GRIA1: variants seen among roughly 807,000 people sequenced by gnomAD.
GRIA1 encodes the protein glutamate receptor 1.
In GRIA1, 31 loss-of-function variants were observed where a neutral mutation model predicts 99.2. The observed-to-expected ratio is 0.31, with a 90% CI of 0.23 to 0.42. GRIA1 has a LOEUF of 0.42. Among genes scored for constraint, GRIA1 ranks in the 10% least tolerant of loss-of-function variants. The pLI is 1.00. For synonymous variants in GRIA1, 438 were observed against 432.4 expected, an observed-to-expected ratio of 1.01 and a Z score of -0.16; for missense variants, 782 against 1,157.5, an observed-to-expected ratio of 0.68 and a Z score of 4.71.
chr5:153,672,138 G>A (rs1756231064), intron 5 of GRIA1, among the ~76,000 whole-genome samples: 1 of 152,180 alleles, frequency 6.6e-6, no homozygotes, highest in South Asian at 2.1e-4. Context: ...AAGGAGAACA[G>A]TCCCTGAGGG....
At position 153,674,563 on chromosome 5, in the gene GRIA1, C is replaced by T. The variant is rs917096947; in HGVS notation, c.763C>T (p.Leu255=). ...ESGANVTGFQ[L]VNYTDTIPAK... ...TGGCGCCAATGTGACAGGTTTCCAG[C>T]TGGTGAACTACACAGACACTATTCC... Residue 255 remains leucine (L), a synonymous_variant, in exon 6 of 16, where the codon CTG becomes TTG. Coordinates refer to ENST00000285900, the MANE Select transcript of GRIA1 (RefSeq NM_000827.4). 3.1e-6 allele frequency: 5 copies of T among 1,613,954 alleles called. No homozygotes were observed. The highest frequency in any genetic ancestry group is 3.3e-5 in the Admixed American group (2 of 59,998).
At chr5:153,679,204 A>T (rs1756801557) in intron 7 of GRIA1, among the ~76,000 whole-genome samples, 1 of 152,228 alleles carries the variant, frequency 6.6e-6, no homozygotes, top group Non-Finnish European at 1.5e-5. Context: ...GGACAATAAA[A>T]GAAAGCAAGG....
At chr5:153,550,880 C>A (rs1394227364) in intron 2 of GRIA1, among the ~76,000 whole-genome samples, 1 of 152,062 alleles carries the variant, frequency 6.6e-6, no homozygotes, top group Non-Finnish European at 1.5e-5. Context: ...AATTTATATT[C>A]TTTTTTATTA....
Position 153,650,440 on chromosome 5 carries a change from G to C in GRIA1, c.571G>C (p.Asp191His), listed in dbSNP as rs138865459. Residue 191 changes from aspartate to histidine, a missense_variant, in exon 4 of 16, where the codon GAC (aspartate) becomes CAC (histidine). Asp to His is a moderately conservative substitution (Grantham distance 81). Transcript: ENST00000285900. ...TEEGYRMLFQ[D>H]LEKKKERLVV... ...GGAGGGATACCGGATGCTCTTTCAG[G>C]ACCTGGAGAAGAAAAAGGAGCGGCT... is the stretch of plus-strand genomic sequence containing the variant. 3 of 1,613,902 alleles carry C rather than the reference G, an allele frequency of 1.9e-6. No homozygotes were observed. In the African/African-American group the frequency reaches 4.0e-5, roughly 22 times the overall value.
intron 7 of GRIA1, among the ~76,000 whole-genome samples, chr5:153,684,398 C>T (rs745699817): frequency 2.0e-5 from 3 of 152,162 alleles, no homozygotes; most frequent in African/African-American, 2.4e-5. Flanking sequence ...ACATAGTTAA[C>T]TCTAATTGGT....
intron 15 of GRIA1, among the ~76,000 whole-genome samples, chr5:153,806,378 A>C (rs987782069): frequency 6.6e-6 from 1 of 151,784 alleles, no homozygotes; most frequent in Non-Finnish European, 1.5e-5. Flanking sequence ...TGATTCTCCT[A>C]CCTCAGCCTC....
chr5:153,654,080 T>C (rs1314361415), intron 4 of GRIA1, among the ~76,000 whole-genome samples: 3 of 152,206 alleles, frequency 2.0e-5, no homozygotes, highest in Non-Finnish European at 4.4e-5. Context: ...CACCTATTTA[T>C]TATGGATCTC....
Position 153,507,474 on chromosome 5 carries a change from G to A in GRIA1, c.220+13409G>A, listed in dbSNP as rs566590492. Among the ~76,000 whole-genome samples, 53 of 152,220 alleles carry A rather than the reference G, an allele frequency of 3.5e-4. No individual in the cohort carries two copies. The Middle Eastern group carries it at 0.01, about 29-fold the overall frequency. On this transcript the variant is annotated intron_variant, in intron 2 of 15. Coordinates refer to ENST00000285900, the MANE Select transcript of GRIA1 (RefSeq NM_000827.4). ...GTTCAACATATCAAAACCAGAACTT[G>A]GCATCCTTCCTGCCAAACTCATTGC...
chr5:153,763,637 G>A (rs1763324648), intron 11 of GRIA1, among the ~76,000 whole-genome samples: 1 of 152,154 alleles, frequency 6.6e-6, no homozygotes, highest in Non-Finnish European at 1.5e-5. Context: ...GGAAGCCCTG[G>A]ACTTGGAAGT....
At chr5:153,579,354 AAAC>A (rs1405120362) in intron 2 of GRIA1, among the ~76,000 whole-genome samples, 6 of 152,200 alleles carry the variant, frequency 3.9e-5, no homozygotes, top group African/African-American at 1.4e-4. Flanking sequence ...TTGGGCTAGG[AAAC>A]AACAAGCAGA....
chr5:153,764,924 C>T (rs1763414952), intron 12 of GRIA1, among the ~76,000 whole-genome samples: 1 of 152,204 alleles, frequency 6.6e-6, no homozygotes, highest in Non-Finnish European at 1.5e-5. Context: ...AATTTCCTCT[C>T]TGTTATCACG....
intron 11 of GRIA1, among the ~76,000 whole-genome samples, chr5:153,707,884 A>G (rs576008629): frequency 4.1e-4 from 63 of 152,248 alleles, no homozygotes; most frequent in African/African-American, 1.5e-3. Context: ...TGGCAAACAC[A>G]TGGTGAAGAG....
intron 7 of GRIA1, among the ~76,000 whole-genome samples, chr5:153,678,313 G>A (rs1288056453): frequency 6.6e-6 from 1 of 152,194 alleles, no homozygotes; most frequent in African/African-American, 2.4e-5. Context: ...AGATGCTGAA[G>A]GAACCTCACC....
intron 9 of GRIA1, 46 bp downstream of exon 9, chr5:153,698,200 G>T (rs1414481695): frequency 1.1e-5 from 12 of 1,057,708 alleles, no homozygotes; most frequent in Non-Finnish European, 1.5e-5. Context: ...TTCAAGCTAG[G>T]CCAGCACAAG....
chr5:153,558,804 AT>A (rs902852616), intron 2 of GRIA1, among the ~76,000 whole-genome samples: 14 of 151,948 alleles, frequency 9.2e-5, no homozygotes, highest in Non-Finnish European at 1.9e-4. Context: ...TGTATCTATA[AT>A]TTTTTTTCTG....
At position 153,584,909 on chromosome 5, in the gene GRIA1, AC is replaced by A. The variant is rs1290000686; in HGVS notation, c.221-62018del. On this transcript the variant is annotated intron_variant, in intron 2 of 15. Transcript: ENST00000285900. ...TAGGGAACACAAGAAACCTGGGTGA[AC>A]TTTTTCACAAACAATTCATTTTTCT... 1.2e-4 allele frequency among the ~76,000 whole-genome samples: 19 copies of A among 152,330 alleles called. 2 individuals carry two copies. Among genetic ancestry groups the A allele is most frequent in the African/African-American group, 4.6e-4 (19 of 41,580 alleles).
intron 8 of GRIA1, among the ~76,000 whole-genome samples, chr5:153,695,850 C>T (rs1314695259): frequency 6.6e-6 from 1 of 152,212 alleles, no homozygotes; most frequent in Non-Finnish European, 1.5e-5. Flanking sequence ...TAGGGTGCAC[C>T]ATGTCCATGC....
At chr5:153,714,160 A>G (rs1759509711) in intron 11 of GRIA1, among the ~76,000 whole-genome samples, 1 of 152,130 alleles carries the variant, frequency 6.6e-6, no homozygotes, top group Non-Finnish European at 1.5e-5. Context: ...TGTGTCAGCT[A>G]GAGAGGATAG....
intron 11 of GRIA1, among the ~76,000 whole-genome samples, chr5:153,714,649 T>C (rs1759541871): frequency 6.6e-6 from 1 of 152,232 alleles, no homozygotes; most frequent in South Asian, 2.1e-4. Flanking sequence ...AAAGAAGTAT[T>C]GAGCTCTAGA....
Sources: allele counts gnomAD v4.1 joint callset (sites outside exome capture counted in the v4.1 genomes callset), GRCh38; gene constraint gnomAD v4.1.1; transcripts MANE v1.5; gene names NCBI Gene and HGNC (gene_info 2026-07-23, HGNC 2026-07-21).